The following SFI1 variants were observed in gnomAD, a reference collection of about 807,000 sequenced individuals.
The protein encoded by SFI1 is SFI1 centrin binding protein, also known as protein SFI1 homolog.
A neutral mutation model predicts 207.5 loss-of-function variants in SFI1; 195 were observed. That is an observed-to-expected ratio of 0.94 (90% CI 0.84 to 1.06). The LOEUF (loss-of-function observed/expected upper bound fraction) is 1.06, where lower values mean the gene tolerates loss of function less well. Ranked by LOEUF, SFI1 falls within the 50% of genes least tolerant of loss-of-function variation. The pLI is 0.00. For synonymous variants in SFI1, 630 were observed against 598.9 expected, an observed-to-expected ratio of 1.05 and a Z score of -0.76; for missense variants, 1,634 against 1,588.0, an observed-to-expected ratio of 1.03 and a Z score of -0.49.
At chr22:31,576,771 C>T (rs1569358943) in intron 10 of SFI1, among the ~76,000 whole-genome samples, 1 of 151,950 alleles carries the variant, frequency 6.6e-6, no homozygotes, top group Non-Finnish European at 1.5e-5. Flanking sequence ...CCACGAGTAG[C>T]TGGGATTACA....
chr22:31,600,177 C>G (rs913619736), intron 15 of SFI1, among the ~76,000 whole-genome samples: 1 of 152,192 alleles, frequency 6.6e-6, no homozygotes. Flanking sequence ...CATGAGCCAC[C>G]AGGCCCAGCC....
intron 4 of SFI1, among the ~76,000 whole-genome samples, chr22:31,545,877 C>CTTTT (rs770151262): frequency 4.0e-5 from 4 of 99,528 alleles, no homozygotes; most frequent in African/African-American, 8.2e-5. Context: ...CCGTGTCCAG[C>CTTTT]TTTTTTTTTT....
intron 27 of SFI1, 102 bp downstream of exon 27, chr22:31,613,957 T>C: frequency 7.1e-7 from 1 of 1,406,658 alleles, no homozygotes; most frequent in South Asian, 1.5e-5. Flanking sequence ...GACGGGCTGG[T>C]CACGGCCTTG....
Position 31,602,772 on chromosome 22 carries a change from G to T in SFI1, c.1792G>T (p.Gly598Trp). The T allele has an allele frequency of 6.2e-7, 1 of 1,613,614 alleles. No homozygotes were observed. The highest frequency in any genetic ancestry group is 8.5e-7 in the Non-Finnish European group (1 of 1,180,000). Residue 598 changes from glycine to tryptophan, a missense_variant, in exon 17 of 33, where the codon GGG becomes TGG. Transcript: ENST00000400288. The stretch of plus-strand genomic sequence containing the variant: ...CTGCCTCTGGAGGGAAAGTGCCCAA[G>T]GGCTCAGAACAGAGTGAGTGGCCAG... ...AFCLWRESAQ[G>W]LRTERTGRVR...
chr22:31,613,650 A>G lies in SFI1; in HGVS notation c.2791A>G (p.Lys931Glu). ...RAVRRCATLW[K>E]QKVLGRGGKP... ...CGTCCGCCGCTGTGCCACGCTCTGG[A>G]AACAGAAAGTGCTGGGCCGGGGCGG... Residue 931 changes from lysine to glutamate, a missense_variant, in exon 27 of 33, where the codon AAA becomes GAA. Physicochemically the swap from Lys to Glu is moderately conservative, Grantham distance 56. Coordinates refer to ENST00000400288, the MANE Select transcript of SFI1 (RefSeq NM_001007467.3). The G allele has an allele frequency of 6.2e-7, 1 of 1,604,424 alleles. No homozygotes were observed.
intron 2 of SFI1, among the ~76,000 whole-genome samples, chr22:31,523,441 A>G (rs1364139949): frequency 6.6e-6 from 1 of 152,238 alleles, no homozygotes; most frequent in Non-Finnish European, 1.5e-5. Context: ...AGTTAACACA[A>G]TTAAATATAT....
At chr22:31,611,971 T>A in intron 24 of SFI1, 131 bp downstream of exon 24, 4 of 1,451,376 alleles carry the variant, frequency 2.8e-6, no homozygotes, top group South Asian at 1.4e-5. Flanking sequence ...CAGGGCCACC[T>A]CCTCTACCAC....
rs748060106 is a variant in SFI1, at chr22:31,613,348, C to G, written c.2566-6C>G. On this transcript the variant is annotated splice_region_variant and splice_polypyrimidine_tract_variant and intron_variant, in intron 25 of 32. Transcript: ENST00000400288. ...ACCTGGGCCTCACCTCCTGCCCTCC[C>G]TGGAGGTGTGGGCCACGTGGCTGGC... is the stretch of plus-strand genomic sequence containing the variant. 1.2e-6 allele frequency: 2 copies of G among 1,606,178 alleles called. No homozygotes were observed. The highest frequency in any genetic ancestry group is 1.1e-5 in the South Asian group (1 of 90,796).
intron 4 of SFI1, among the ~76,000 whole-genome samples, chr22:31,544,425 TA>T (rs60809387): frequency 0.18 from 27,594 of 152,002 alleles, 2,643 homozygotes; most frequent in East Asian, 0.38. Flanking sequence ...TTTTTAGTAA[TA>T]AAAATATTTT....
In SFI1 at chr22:31,616,764, C is replaced by A. The variant is rs551240011; in HGVS notation, c.3320C>A (p.Thr1107Asn). 1 of 1,574,540 alleles carries A rather than the reference C, an allele frequency of 6.4e-7. No individual in the cohort carries two copies. ...APARVSAQRATPRDKPPVPSS... is the reference protein window; with the variant it reads ...APARVSAQRANPRDKPPVPSS... Reference sequence around the variant, plus strand: ...TTGCAGGTGTCAGCACAGCGGGCTACTCCTAGGGATAAGCCCCCGGTCCCC... The same window carrying A: ...TTGCAGGTGTCAGCACAGCGGGCTAATCCTAGGGATAAGCCCCCGGTCCCC... The change falls in exon 30 of 33, where the codon ACT becomes AAT. Residue 1107 changes from threonine (T) to asparagine (N), a missense_variant. Physicochemically the swap from Thr to Asn is moderately conservative, Grantham distance 65. Coordinates refer to ENST00000400288, the MANE Select transcript of SFI1 (RefSeq NM_001007467.3).
At chr22:31,608,980 T>G (rs2069567199) in intron 22 of SFI1, among the ~76,000 whole-genome samples, 1 of 151,868 alleles carries the variant, frequency 6.6e-6, no homozygotes, top group African/African-American at 2.4e-5. Context: ...CACTCCAGCT[T>G]GGGTGACAGA....
intron 15 of SFI1, among the ~76,000 whole-genome samples, chr22:31,595,383 C>A (rs2066953941): frequency 6.6e-6 from 1 of 152,236 alleles, no homozygotes; most frequent in African/African-American, 2.4e-5. Flanking sequence ...AATACATAAA[C>A]TCATTCTGCC....
At chr22:31,533,878 G>C (rs2058742961) in intron 4 of SFI1, among the ~76,000 whole-genome samples, 1 of 152,072 alleles carries the variant, frequency 6.6e-6, no homozygotes, top group Admixed American at 6.6e-5. Context: ...ATTCTCCACT[G>C]TTAGCTTAGA....
intron 2 of SFI1, among the ~76,000 whole-genome samples, chr22:31,517,491 G>A (rs907087745): frequency 1.3e-5 from 2 of 152,064 alleles, no homozygotes; most frequent in South Asian, 2.1e-4. Context: ...CAAGCAATTC[G>A]CCTGCCTTGG....
Position 31,508,365 on chromosome 22 carries a change from G to A in SFI1, c.81G>A (p.Lys27=). 6.2e-7 allele frequency: 1 copy of A among 1,611,208 alleles called. No homozygotes were observed. The highest frequency in any genetic ancestry group is 8.5e-7 in the Non-Finnish European group (1 of 1,178,214). The change falls in exon 2 of 33, where the codon AAG becomes AAA. Residue 27 remains lysine, a synonymous_variant. Transcript: ENST00000400288. ...QKVIKQRMEK[K]VDSRYFKDGA... is the part of the protein sequence containing the mutation. ...TGATTAAGCAGAGAATGGAGAAGAAGGTTGATTCCAGGTGAGTGATGGGAC... is the reference window on the plus strand; with the variant it reads ...TGATTAAGCAGAGAATGGAGAAGAAAGTTGATTCCAGGTGAGTGATGGGAC...
intron 2 of SFI1, among the ~76,000 whole-genome samples, chr22:31,511,456 T>G (rs1203496999): frequency 1.5e-5 from 2 of 137,500 alleles, no homozygotes; most frequent in African/African-American, 2.6e-5. Context: ...AACTCTGGCA[T>G]AGTTTCTGTT....
intron 2 of SFI1, among the ~76,000 whole-genome samples, chr22:31,515,433 C>T (rs1412797175): frequency 2.7e-5 from 4 of 150,374 alleles, no homozygotes; most frequent in Admixed American, 1.3e-4. Context: ...ACTGCAGCGT[C>T]GACCTGCCAG....
Position 31,585,002 on chromosome 22 carries a change from A to G in SFI1, c.1347-66A>G, listed in dbSNP as rs57970523. The G allele has an allele frequency of 1.9e-3, 2,825 of 1,482,628 alleles. 46 individuals are homozygous for G. In the African/African-American group the frequency reaches 0.036, roughly 19 times the overall value. 91.8% of individuals were successfully genotyped at this position (1,482,628 alleles called of 1,614,324 possible). On this transcript the variant is annotated intron_variant, in intron 13 of 32. Transcript: ENST00000400288. ...ACTCACAGGAAGTAACTGTACCGCA[A>G]TTTACCTGCCTTAAAACAAAGTTTT...
chr22:31,529,726 C>G (rs552894848), intron 3 of SFI1, among the ~76,000 whole-genome samples: 12 of 152,106 alleles, frequency 7.9e-5, no homozygotes, highest in Non-Finnish European at 1.0e-4. Context: ...CAGGCAAATA[C>G]GGCGAGAACA....
Sources: allele counts gnomAD v4.1 joint callset (sites outside exome capture counted in the v4.1 genomes callset), GRCh38; gene constraint gnomAD v4.1.1; transcripts MANE v1.5; gene names NCBI Gene and HGNC (gene_info 2026-07-23, HGNC 2026-07-21).